The following GVQW3 variants were observed in gnomAD, a reference collection of about 807,000 sequenced individuals.
GVQW3 encodes protein GVQW3.
GVQW3 carries 7 observed loss-of-function variants against 12.5 expected under a neutral mutation model. That is an observed-to-expected ratio of 0.56 (90% CI 0.32 to 1.05). GVQW3 has a LOEUF of 1.05. GVQW3 is among the 50% of genes least tolerant of loss of function. GVQW3 has a pLI of 0.04. For synonymous variants in GVQW3, 71 were observed against 67.2 expected, an observed-to-expected ratio of 1.06 and a Z score of -0.28; for missense variants, 188 against 190.8, an observed-to-expected ratio of 0.99 and a Z score of 0.09.
In GVQW3 at chr11:76,405,333, A is replaced by G. The variant is rs919529833; in HGVS notation, c.*1575A>G. 7 of 152,404 alleles carry G rather than the reference A, an allele frequency of 4.6e-5. No individual in the cohort carries two copies. The South Asian group carries it at 1.4e-3, about 32-fold the overall frequency. The allele number at this position is 152,404 out of a possible 1,614,324, so 9.4% of individuals were successfully genotyped here. A position where few individuals can be genotyped will look rare whatever the true frequency, so the allele number is the denominator to read the frequency against. On this transcript the variant is annotated 3_prime_UTR_variant, in exon 2 of 2. Coordinates refer to ENST00000529331, the MANE Select transcript of GVQW3 (RefSeq NM_001347885.2). ...CCAGTCAACAGGGTCTGCCATGTGC[A>G]TAGAAAGCACAGTATGTATTTGGCA...
chr11:76,399,397 C>G (rs1164757804), intron 1 of GVQW3, among the ~76,000 whole-genome samples: 3 of 152,202 alleles, frequency 2.0e-5, no homozygotes, highest in African/African-American at 7.2e-5. Flanking sequence ...CCACCTCGGC[C>G]TCCCAAAGTG....
chr11:76,412,909 GCTT>G (rs1244293847), downstream of GVQW3: 1 of 152,214 alleles, frequency 6.6e-6, no homozygotes, highest in Non-Finnish European at 1.5e-5. Context: ...AAAGAAGCTA[GCTT>G]CTTCTTTATG....
intron 1 of GVQW3, among the ~76,000 whole-genome samples, 159 bp from the exon 2 acceptor site, chr11:76,403,501 G>T (rs1469269641): frequency 6.6e-6 from 1 of 152,020 alleles, no homozygotes; most frequent in Non-Finnish European, 1.5e-5. Flanking sequence ...ACAGGATATT[G>T]TTCTGGCACC....
At chr11:76,398,946 C>CCTA (rs1414334689) in intron 1 of GVQW3, among the ~76,000 whole-genome samples, 1 of 152,042 alleles carries the variant, frequency 6.6e-6, no homozygotes, top group African/African-American at 2.4e-5. Context: ...AAGATATTAT[C>CCTA]CTACTGTCTC....
In GVQW3 at chr11:76,406,177, T is replaced by G. The variant is rs1367563942; in HGVS notation, c.*2419T>G. 2 of 152,330 alleles carry G rather than the reference T, an allele frequency of 1.3e-5. No individual in the cohort carries two copies. Among genetic ancestry groups the G allele is most frequent in the East Asian group, 3.9e-4 (2 of 5,192 alleles). 9.4% of individuals were successfully genotyped at this position (152,330 alleles called of 1,614,324 possible). On this transcript the variant is annotated 3_prime_UTR_variant, in exon 2 of 2. Transcript: ENST00000529331. ...TTGTAGAGTCAGGGTTTCACCCTGT[T>G]GCCCACTCTGGTCTCAAACTCCTGG...
At chr11:76,391,600 A>G (rs548279456) in intron 1 of GVQW3, among the ~76,000 whole-genome samples, 1 of 152,050 alleles carries the variant, frequency 6.6e-6, no homozygotes, top group African/African-American at 2.4e-5. Context: ...CCAGAAGTCC[A>G]CTCCTAGAGT....
Position 76,381,822 on chromosome 11 carries a change from T to G in GVQW3, c.-7T>G, listed in dbSNP as rs1243365342. 6.6e-7 allele frequency: 1 copy of G among 1,521,324 alleles called. No homozygotes were observed. Among genetic ancestry groups the G allele is most frequent in the South Asian group, 1.2e-5 (1 of 80,690 alleles). The allele number at this position is 1,521,324 out of a possible 1,614,324, so 94.2% of individuals were successfully genotyped here. A position where few individuals can be genotyped will look rare whatever the true frequency, so the allele number is the denominator to read the frequency against. On this transcript the variant is annotated 5_prime_UTR_variant, in exon 1 of 2. Transcript: ENST00000529331. ...TGTTAAACGTTCCTGTGTTGTTCAG[T>G]GCCAGAATGAGTGACCGCTATTTAG...
At chr11:76,409,265 T>G (rs1478127691), downstream of GVQW3, among the ~76,000 whole-genome samples, 2 of 152,106 alleles carry the variant, frequency 1.3e-5, no homozygotes, top group Non-Finnish European at 2.9e-5. Context: ...GATCTCAGGC[T>G]CTCACGGACC....
chr11:76,409,566 T>A (rs1200784949), downstream of GVQW3, among the ~76,000 whole-genome samples: 2 of 152,222 alleles, frequency 1.3e-5, no homozygotes, highest in African/African-American at 4.8e-5. Context: ...TCTATCCTGA[T>A]TTCTCAGGTA....
At chr11:76,388,201 A>C (rs1452329900) in intron 1 of GVQW3, among the ~76,000 whole-genome samples, 1 of 152,258 alleles carries the variant, frequency 6.6e-6, no homozygotes, top group Non-Finnish European at 1.5e-5. Context: ...CATGGGTAGC[A>C]TTTGAATAAG....
chr11:76,408,858 CAA>C (rs1015689984), downstream of GVQW3, among the ~76,000 whole-genome samples: 2 of 152,132 alleles, frequency 1.3e-5, no homozygotes, highest in African/African-American at 4.8e-5. Flanking sequence ...GGAAGGGTGA[CAA>C]GAGATGATTT....
intron 1 of GVQW3, among the ~76,000 whole-genome samples, chr11:76,387,710 C>T: frequency 6.6e-6 from 1 of 152,012 alleles, no homozygotes. Context: ...TGCTTGAGGC[C>T]AGAAGTTAGA....
At position 76,387,942 on chromosome 11, in the gene GVQW3, T is replaced by G. The variant is rs113516866; in HGVS notation, c.465+5649T>G. Among the ~76,000 whole-genome samples, 919 of 152,110 alleles carry G rather than the reference T, an allele frequency of 6.0e-3. 6 individuals are homozygous for G. The highest frequency in any genetic ancestry group is 0.019 in the African/African-American group (793 of 41,488). On this transcript the variant is annotated intron_variant, in intron 1 of 1. Coordinates refer to ENST00000529331, the MANE Select transcript of GVQW3 (RefSeq NM_001347885.2). The stretch of plus-strand genomic sequence containing the variant: ...TGTCTCAAACAAAAAAAAGAAATTG[T>G]GGAATATTGGAGGGACTCTGTGGAG...
At chr11:76,389,374 G>A (rs528151331) in intron 1 of GVQW3, among the ~76,000 whole-genome samples, 4 of 152,312 alleles carry the variant, frequency 2.6e-5, no homozygotes, top group African/African-American at 9.6e-5. Context: ...AGAGCTGGCA[G>A]TGGAGAGATT....
At chr11:76,390,683 C>T (rs1946883331) in intron 1 of GVQW3, among the ~76,000 whole-genome samples, 1 of 152,086 alleles carries the variant, frequency 6.6e-6, no homozygotes, top group African/African-American at 2.4e-5. Context: ...AAAAATTAGC[C>T]GGGCGCGGTG....
chr11:76,401,136 G>A (rs988861786), intron 1 of GVQW3, among the ~76,000 whole-genome samples: 1 of 151,784 alleles, frequency 6.6e-6, no homozygotes, highest in African/African-American at 2.4e-5. Flanking sequence ...GCCTCCCAAA[G>A]TGCTATAATT....
downstream of GVQW3, chr11:76,414,619 C>CAAAAAAA (rs33977692): frequency 4.2e-5 from 5 of 119,550 alleles, no homozygotes; most frequent in African/African-American, 1.3e-4. Context: ...ATGGTCCCCA[C>CAAAAAAA]AAAAAAAAAA....
chr11:76,400,112 CT>C (rs113098572), intron 1 of GVQW3, among the ~76,000 whole-genome samples: 12 of 145,718 alleles, frequency 8.2e-5, no homozygotes, highest in Admixed American at 4.1e-4. Context: ...ATCTTTCTTT[CT>C]TTTTTTTTTC....
chr11:76,397,147 G>A (rs193106992), intron 1 of GVQW3, among the ~76,000 whole-genome samples: 159 of 151,934 alleles, frequency 1.0e-3, no homozygotes, highest in Non-Finnish European at 1.7e-3. Flanking sequence ...GGGACTACAG[G>A]TGCGCACCAC....
Sources: gnomAD v4.1 joint callset for allele counts (sites outside exome capture counted in the v4.1 genomes callset) on GRCh38, gnomAD v4.1.1 for gene constraint, MANE v1.5 for transcripts, NCBI Gene and HGNC (gene_info 2026-07-23, HGNC 2026-07-21) for gene names.